The following STAT5B variants were observed in gnomAD, a reference collection of about 807,000 sequenced individuals.
The protein encoded by STAT5B is transcription factor STAT5B.
Under a neutral mutation model 107.8 loss-of-function variants are expected in STAT5B, and 21 were observed. The ratio of observed to expected loss-of-function variants is 0.19; its 90% confidence interval spans 0.14 to 0.28. STAT5B has a LOEUF of 0.28. STAT5B is among the 10% of genes least tolerant of loss of function. STAT5B has a pLI of 1.00. For synonymous variants in STAT5B, 325 were observed against 401.7 expected (o/e 0.81, Z 2.28); for missense variants, 565 against 1,008.2 (o/e 0.56, Z 5.95).
chr17:42,201,874 G>A lies in STAT5B; in HGVS notation c.2238-10C>T. On this transcript the variant is annotated splice_polypyrimidine_tract_variant and intron_variant, in intron 18 of 18. Coordinates refer to ENST00000293328, the MANE Select transcript of STAT5B (RefSeq NM_012448.4). ...AAGGACTGAGTCAGGGCTTGGGAGGGAAAGAAGAGGGATGAAGGGAAGGGG... is the reference window on the plus strand; with the variant it reads ...AAGGACTGAGTCAGGGCTTGGGAGGAAAAGAAGAGGGATGAAGGGAAGGGG... 6.2e-7 allele frequency: 1 copy of A among 1,613,528 alleles called. No homozygotes were observed. The highest frequency in any genetic ancestry group is 8.5e-7 in the Non-Finnish European group (1 of 1,179,768).
At chr17:42,211,449 T>C (rs561366366) in intron 13 of STAT5B, among the ~76,000 whole-genome samples, 11 of 151,970 alleles carry the variant, frequency 7.2e-5, no homozygotes, top group African/African-American at 2.7e-4. Flanking sequence ...GCGGTTGCGG[T>C]GAGCCAAGAT....
At chr17:42,217,689 CTTTTTT>C in intron 9 of STAT5B, 1 of 438,798 alleles carries the variant, frequency 2.3e-6, no homozygotes, top group Non-Finnish European at 4.1e-6. Flanking sequence ...CCTAAGAGAA[CTTTTTT>C]TTTTTTTTTT....
chr17:42,210,226 C>T lies in STAT5B; in HGVS notation c.1851G>A (p.Leu617=), dbSNP rs1379326121. 3.1e-6 allele frequency: 5 copies of T among 1,614,108 alleles called. No individual in the cohort carries two copies. In the Admixed American group the frequency reaches 8.3e-5, roughly 27 times the overall value. ...LINKPDGTFL[L]RFSDSEIGGI... Reference sequence around the variant, plus strand: ...CGCCAATTTCTGAGTCACTGAATCTCAGGAGGAAGGTCCCATCTGGCTTGT... The same window carrying T: ...CGCCAATTTCTGAGTCACTGAATCTTAGGAGGAAGGTCCCATCTGGCTTGT... The change falls in exon 15 of 19, where the codon CTG becomes CTA. Residue 617 remains leucine (L), a synonymous_variant. Coordinates refer to ENST00000293328, the MANE Select transcript of STAT5B (RefSeq NM_012448.4).
chr17:42,222,695 T>C (rs1293567289), intron 5 of STAT5B, among the ~76,000 whole-genome samples: 1 of 151,760 alleles, frequency 6.6e-6, no homozygotes, highest in Non-Finnish European at 1.5e-5. Flanking sequence ...TTTTTTTTTT[T>C]TTTGAGACAG....
chr17:42,232,392 G>C (rs1051354829), intron 1 of STAT5B, among the ~76,000 whole-genome samples: 1 of 151,768 alleles, frequency 6.6e-6, no homozygotes, highest in Non-Finnish European at 1.5e-5. Flanking sequence ...GGGATTACAG[G>C]GGCACACTAC....
chr17:42,230,350 T>C (rs997246434), intron 2 of STAT5B, among the ~76,000 whole-genome samples: 2 of 152,180 alleles, frequency 1.3e-5, no homozygotes, highest in African/African-American at 4.8e-5. Context: ...AGAGGACCCA[T>C]GGCTAAGACG....
In STAT5B at chr17:42,263,806, C is replaced by T. The variant is rs529807798; in HGVS notation, c.-11+12442G>A. 4.6e-5 allele frequency among the ~76,000 whole-genome samples: 7 copies of T among 151,496 alleles called. No homozygotes were observed. In the South Asian group the frequency reaches 8.4e-4, roughly 18 times the overall value. The stretch of plus-strand genomic sequence containing the variant: ...CCTCCCAAAGTGCTGGAAATATAGG[C>T]ATGAGTCACTGTGCCCAGCCATAAT... On this transcript the variant is annotated intron_variant, in intron 1 of 18. Transcript: ENST00000293328.
chr17:42,283,461 C>T, the STAT5B span, among the ~76,000 whole-genome samples: 5 of 152,216 alleles, frequency 3.3e-5, no homozygotes, highest in African/African-American at 1.2e-4. Flanking sequence ...ACAAGCCTCT[C>T]CCCCAGGGCA....
At chr17:42,223,235 G>A in intron 5 of STAT5B, 147 bp downstream of exon 5, 2 of 1,215,284 alleles carry the variant, frequency 1.6e-6, no homozygotes, top group South Asian at 2.6e-5. Context: ...TCTCAGCACT[G>A]TCTTCAATGC....
chr17:42,203,770 G>A (rs1014057375), intron 16 of STAT5B, among the ~76,000 whole-genome samples: 1 of 152,024 alleles, frequency 6.6e-6, no homozygotes, highest in African/African-American at 2.4e-5. Context: ...GGGATTACAG[G>A]TGCGCACCAC....
intron 5 of STAT5B, 39 bp from the exon 6 acceptor site, chr17:42,219,881 A>G (rs1462531691): frequency 3.7e-6 from 6 of 1,613,764 alleles, no homozygotes; most frequent in East Asian, 4.5e-5. Context: ...ATCACCTCCC[A>G]GTGTCCAACA....
At chr17:42,271,810 C>T (rs1033565610) in intron 1 of STAT5B, 2 of 152,146 alleles carry the variant, frequency 1.3e-5, no homozygotes, top group Admixed American at 1.3e-4. Context: ...CAAATTATAA[C>T]TTCTCCTTTC....
intron 1 of STAT5B, among the ~76,000 whole-genome samples, chr17:42,254,811 A>T (rs1314324172): frequency 6.6e-6 from 1 of 152,146 alleles, no homozygotes; most frequent in Non-Finnish European, 1.5e-5. Context: ...AAAAAAAAGA[A>T]GGTCGGTGCG....
rs1017005427 is a variant in STAT5B, at chr17:42,254,816, G to A, written c.-11+21432C>T. Among the ~76,000 whole-genome samples, 8 of 152,182 alleles carry A rather than the reference G, an allele frequency of 5.3e-5. 1 individual carries two copies. Among genetic ancestry groups the A allele is most frequent in the African/African-American group, 7.2e-5 (3 of 41,460 alleles). ...TAAAAATGGAAAAAAAAAGAAGGTC[G>A]GTGCGGTGGCTCATGCCTGTAATCC... On this transcript the variant is annotated intron_variant, in intron 1 of 18. Coordinates refer to ENST00000293328, the MANE Select transcript of STAT5B (RefSeq NM_012448.4).
At chr17:42,285,533 T>C in the STAT5B span, among the ~76,000 whole-genome samples, 2 of 152,240 alleles carry the variant, frequency 1.3e-5, no homozygotes, top group Non-Finnish European at 2.9e-5. Flanking sequence ...TGACAGTTTC[T>C]GATCTTCCTG....
At chr17:42,278,706 C>T (rs2080782647), upstream of STAT5B, among the ~76,000 whole-genome samples, 1 of 152,034 alleles carries the variant, frequency 6.6e-6, no homozygotes, top group South Asian at 2.1e-4. Flanking sequence ...GTAGGCCGGG[C>T]ACGGTGGCTC....
intron 12 of STAT5B, chr17:42,214,229 A>G (rs763289129): frequency 1.6e-5 from 16 of 985,340 alleles, no homozygotes; most frequent in Non-Finnish European, 1.8e-5. Context: ...TTATTTAGAC[A>G]AGATACTTGA....
chr17:42,210,652 C>A (rs1598297541), intron 13 of STAT5B, 155 bp from the exon 14 acceptor site: 4 of 732,302 alleles, frequency 5.5e-6, no homozygotes, highest in African/African-American at 1.8e-5. Context: ...CCTAATGGCC[C>A]CATGGAGAGG....
chr17:42,201,560 A>G lies in STAT5B; in HGVS notation c.*178T>C. Reference sequence around the variant, plus strand: ...CACACACACACACACACACAAACACATACTCGCACTCCCTTCGCTGGTGCC... The same window carrying G: ...CACACACACACACACACACAAACACGTACTCGCACTCCCTTCGCTGGTGCC... On this transcript the variant is annotated 3_prime_UTR_variant, in exon 19 of 19. Coordinates refer to ENST00000293328, the MANE Select transcript of STAT5B (RefSeq NM_012448.4). 1.5e-6 allele frequency: 1 copy of G among 678,530 alleles called. No individual in the cohort carries two copies. The highest frequency in any genetic ancestry group is 2.7e-6 in the Non-Finnish European group (1 of 371,400). The allele number at this position is 678,530 out of a possible 1,614,324, so 42.0% of individuals were successfully genotyped here. A position where few individuals can be genotyped will look rare whatever the true frequency, so the allele number is the denominator to read the frequency against.
Sources: allele counts gnomAD v4.1 joint callset (sites outside exome capture counted in the v4.1 genomes callset), GRCh38; gene constraint gnomAD v4.1.1; transcripts MANE v1.5; gene names NCBI Gene and HGNC (gene_info 2026-07-23, HGNC 2026-07-21).